IL17RE: variants seen among roughly 807,000 people sequenced by gnomAD.
IL17RE encodes interleukin-17 receptor E.
IL17RE carries 47 observed loss-of-function variants against 70.7 expected under a neutral mutation model. The ratio of observed to expected loss-of-function variants is 0.67; its 90% CI spans 0.53 to 0.85. The LOEUF (loss-of-function observed/expected upper bound fraction) is 0.85. IL17RE is among the 40% of genes least tolerant of loss of function. The probability of loss-of-function intolerance (pLI) is 0.00; values close to 1 mark genes in which losing one functional copy is unlikely to be tolerated. For synonymous variants in IL17RE, 372 were observed against 381.2 expected (o/e 0.98, Z 0.28); for missense variants, 850 against 893.9 (o/e 0.95, Z 0.63).
chr3:9,915,355 G>T lies in IL17RE; in HGVS notation c.1552G>T (p.Gly518Cys), dbSNP rs1453328953. The T allele has an allele frequency of 7.3e-7, 1 of 1,368,996 alleles. No homozygotes were observed. The highest frequency in any genetic ancestry group is 1.5e-5 in the African/African-American group (1 of 65,580). 84.8% of individuals were successfully genotyped at this position (1,368,996 alleles called of 1,614,324 possible). ...LAELLRAALGGGRDVIVDLWE... is the reference protein window; with the variant it reads ...LAELLRAALGCGRDVIVDLWE... ...TGAACTGCTACGGGCAGCGCTGGGCGGCGGGCGCGACGTGATCGTGGACCT... is the reference window on the plus strand; with the variant it reads ...TGAACTGCTACGGGCAGCGCTGGGCTGCGGGCGCGACGTGATCGTGGACCT... Residue 518 changes from glycine (G) to cysteine (C), a missense_variant, in exon 16 of 16, where the codon GGC becomes TGC. Transcript: ENST00000383814. The surrounding 1 kb of genome is among the most constrained non-coding windows in gnomAD (Gnocchi z 4.9).
Position 9,911,005 on chromosome 3 carries a change from G to A in IL17RE, c.943G>A (p.Asp315Asn). The A allele has an allele frequency of 1.9e-6, 3 of 1,614,178 alleles. No homozygotes were observed. The highest frequency in any genetic ancestry group is 2.5e-6 in the Non-Finnish European group (3 of 1,180,040). ...GCACGACTGGCATACCCTTTGCAAA[G>A]ACCTCCCGAATGCCACAGCTCGAGA... ...QRHDWHTLCKDLPNATARESD... is the reference protein window; with the variant it reads ...QRHDWHTLCKNLPNATARESD... The change falls in exon 9 of 16, where the codon GAC (aspartate) becomes AAC (asparagine). Residue 315 changes from aspartate (D) to asparagine (N), a missense_variant. Coordinates refer to ENST00000383814, the MANE Select transcript of IL17RE (RefSeq NM_153480.2).
Position 9,909,207 on chromosome 3 carries a change from G to T in IL17RE, c.736-10G>T. On this transcript the variant is annotated splice_polypyrimidine_tract_variant and intron_variant, in intron 7 of 15. Transcript: ENST00000383814. ...CCTCTGACCCTCCCCACCTGCTCCC[G>T]TCTCTCCAGGCATCCTACCTGCAAG... 1 of 1,612,756 alleles carries T rather than the reference G, an allele frequency of 6.2e-7. No homozygotes were observed. The highest frequency in any genetic ancestry group is 1.1e-5 in the South Asian group (1 of 90,904).
intron 8 of IL17RE, 26 bp from the exon 9 acceptor site, chr3:9,910,839 A>G (rs1225801827): frequency 6.2e-6 from 10 of 1,606,688 alleles, no homozygotes; most frequent in Middle Eastern, 1.8e-4. Context: ...GCTGACCCTC[A>G]CCCACTGACC....
chr3:9,914,054 A>G (rs760134856), intron 13 of IL17RE, 30 bp downstream of exon 13: 1 of 1,568,014 alleles, frequency 6.4e-7, no homozygotes, highest in Non-Finnish European at 8.8e-7. Flanking sequence ...CTCTACATAC[A>G]GAGCCTTGGC....
rs568739127 is a variant in IL17RE at position 9,913,143 on chromosome 3, G to A, written c.1228-813G>A. On this transcript the variant is annotated intron_variant, in intron 12 of 15. Transcript: ENST00000383814. The stretch of plus-strand genomic sequence containing the variant: ...AAGTAGGCCAGGCGCAGTGGCTCAC[G>A]CCTGTAATTCCAGCATTTTGGGAGG... 4.0e-4 allele frequency among the ~76,000 whole-genome samples: 61 copies of A among 152,254 alleles called. 1 individual carries two copies. Among genetic ancestry groups the A allele is most frequent in the African/African-American group, 1.4e-3 (58 of 41,540 alleles).
At chr3:9,910,816 G>A in intron 8 of IL17RE, 49 bp from the exon 9 acceptor site, 2 of 1,562,300 alleles carry the variant, frequency 1.3e-6, no homozygotes, top group South Asian at 1.2e-5. Context: ...TGGCAAGGTG[G>A]GGCTGAAGCA....
In IL17RE at chr3:9,907,159, A is replaced by G. The variant is rs1257180084; in HGVS notation, c.666+59A>G. The G allele has an allele frequency of 1.9e-6, 3 of 1,601,742 alleles. No homozygotes were observed. The East Asian group carries it at 6.7e-5, about 36-fold the overall frequency. ...TCACACAGTGCTAGCAAAAGAGGCCACCCATTGTACAAATGAGGAAACTGA... is the reference window on the plus strand; with the variant it reads ...TCACACAGTGCTAGCAAAAGAGGCCGCCCATTGTACAAATGAGGAAACTGA... On this transcript the variant is annotated intron_variant, in intron 6 of 15. Coordinates refer to ENST00000383814, the MANE Select transcript of IL17RE (RefSeq NM_153480.2).
In IL17RE at chr3:9,911,275, C is replaced by G; in HGVS notation, c.1047C>G (p.Ser349Arg). ...LCFKFSFGNS[S>R]HVECPHQTGS... Reference sequence around the variant, plus strand: ...CTCAGTTCTCTTTTGGAAACAGCAGCCATGTTGAATGCCCCCACCAGACTG... The same window carrying G: ...CTCAGTTCTCTTTTGGAAACAGCAGGCATGTTGAATGCCCCCACCAGACTG... Residue 349 changes from serine to arginine, a missense_variant, in exon 11 of 16, where the codon AGC becomes AGG. Physicochemically the swap from Ser to Arg is moderately radical, Grantham distance 110. Transcript: ENST00000383814. The G allele has an allele frequency of 6.2e-7, 1 of 1,614,148 alleles. No individual in the cohort carries two copies. The highest frequency in any genetic ancestry group is 8.5e-7 in the Non-Finnish European group (1 of 1,180,038).
chr3:9,905,094 C>CAAAAAAAAAAAAAAAAAAAAAA (rs71626946), intron 3 of IL17RE, among the ~76,000 whole-genome samples: 4 of 56,162 alleles, frequency 7.1e-5, no homozygotes, highest in African/African-American at 2.8e-4. Context: ...GACCCTGTCT[C>CAAAAAAAAAAAAAAAAAAAAAA]AAAAAAAAAA....
Position 9,903,409 on chromosome 3 carries a change from A to G in IL17RE, c.145A>G (p.Thr49Ala). ...CCCTGTGCCTCAGGATGACAGTTTC[A>G]CTGGTGAGTCGCATTTCCTGCCCCA... ...PLASHTDDSF[T>A]GSSAYIPCRT... Residue 49 changes from threonine (T) to alanine (A), a missense_variant, in exon 2 of 16, where the codon ACT (threonine) becomes GCT (alanine). Transcript: ENST00000383814. 1.2e-6 allele frequency: 2 copies of G among 1,613,970 alleles called. No individual in the cohort carries two copies. The highest frequency in any genetic ancestry group is 2.2e-5 in the East Asian group (1 of 44,866).
rs932896068 is a variant in IL17RE at position 9,911,428 on chromosome 3, C to A, written c.1073-15C>A. The A allele has an allele frequency of 1.9e-6, 3 of 1,613,664 alleles. No individual in the cohort carries two copies. The highest frequency in any genetic ancestry group is 1.7e-6 in the Non-Finnish European group (2 of 1,179,660). ...AGCCCAACTCCTATCAACACCCCCA[C>A]CCCGCCCCAAACAGGGTCTCTCACA... On this transcript the variant is annotated splice_polypyrimidine_tract_variant and intron_variant, in intron 11 of 15. Transcript: ENST00000383814.
chr3:9,906,310 A>T, intron 3 of IL17RE, 54 bp from the exon 4 acceptor site: 1 of 972,602 alleles, frequency 1.0e-6, no homozygotes, highest in African/African-American at 1.6e-5. Flanking sequence ...CCACATCTCC[A>T]GGCAGGGGAG....
At chr3:9,903,128 G>A in intron 1 of IL17RE, 64 bp downstream of exon 1, 1 of 1,433,802 alleles carries the variant, frequency 7.0e-7, no homozygotes, top group South Asian at 1.2e-5. Flanking sequence ...CCACTCCCCT[G>A]CCTGCCCTGT....
At position 9,915,550 on chromosome 3, in the gene IL17RE, G is replaced by A. The variant is rs2083026297; in HGVS notation, c.1747G>A (p.Ala583Thr). 1 of 1,399,972 alleles carries A rather than the reference G, an allele frequency of 7.1e-7. No homozygotes were observed. 86.7% of individuals were successfully genotyped at this position (1,399,972 alleles called of 1,614,324 possible). A position where few individuals can be genotyped will look rare whatever the true frequency, so the allele number is the denominator to read the frequency against. Residue 583 changes from alanine (A) to threonine (T), a missense_variant, in exon 16 of 16, where the codon GCT (alanine) becomes ACT (threonine). Transcript: ENST00000383814. The surrounding 1 kb of genome is among the most constrained non-coding windows in gnomAD (Gnocchi z 4.9). ...CGCGCCCCTGCTCGCCCTGCTCCAC[G>A]CTGCCCCGCGCCCGCTGCTGCTGCT... ...RAAPLLALLHAAPRPLLLLAY... is the reference protein window; with the variant it reads ...RAAPLLALLHTAPRPLLLLAY...
intron 1 of IL17RE, 144 bp downstream of exon 1, chr3:9,903,208 C>T: frequency 1.0e-6 from 1 of 963,792 alleles, no homozygotes; most frequent in Non-Finnish European, 1.6e-6. Context: ...AAAGGGGTAG[C>T]CAAGGTCCTT....
Position 9,914,032 on chromosome 3 carries a change from A to T in IL17RE, c.1296+8A>T. 1 of 1,605,758 alleles carries T rather than the reference A, an allele frequency of 6.2e-7. No individual in the cohort carries two copies. The highest frequency in any genetic ancestry group is 8.5e-7 in the Non-Finnish European group (1 of 1,172,394). On this transcript the variant is annotated splice_region_variant and intron_variant, in intron 13 of 15. Transcript: ENST00000383814. ...CCAGGGTGCTGTGTCCTGGTAAGGA[A>T]ACCTACCCTCACTCTACATACAGAG...
chr3:9,914,367 C>T (rs899717493), intron 13 of IL17RE, 181 bp from the exon 14 acceptor site: 7 of 1,466,492 alleles, frequency 4.8e-6, no homozygotes, highest in East Asian at 4.7e-5. Context: ...CCCTGTCACA[C>T]TTGAGTTTGC....
rs199990414 is a variant in IL17RE, at chr3:9,903,018, G to C, written c.86G>C (p.Arg29Pro). The C allele has an allele frequency of 1.9e-6, 3 of 1,614,148 alleles. No homozygotes were observed. The South Asian group carries it at 3.3e-5, about 18-fold the overall frequency. ...DLSDSAGIGF[R>P]HLPHWNTRCP... ...TCTGACTCTGCTGGGATTGGCTTTCGCCACCTGCCCCACTGGAACACCCGC... is the reference window on the plus strand; with the variant it reads ...TCTGACTCTGCTGGGATTGGCTTTCCCCACCTGCCCCACTGGAACACCCGC... Residue 29 changes from arginine (R) to proline (P), a missense_variant, in exon 1 of 16, where the codon CGC becomes CCC. Transcript: ENST00000383814.
chr3:9,915,239 TCC>T lies in IL17RE; in HGVS notation c.1448-10_1448-9del. The T allele has an allele frequency of 7.3e-7, 1 of 1,377,802 alleles. No individual in the cohort carries two copies. Among genetic ancestry groups the T allele is most frequent in the South Asian group, 1.7e-5 (1 of 57,538 alleles). The allele number at this position is 1,377,802 out of a possible 1,614,324, so 85.3% of individuals were successfully genotyped here. A position where few individuals can be genotyped will look rare whatever the true frequency, so the allele number is the denominator to read the frequency against. The stretch of plus-strand genomic sequence containing the variant: ...AGCCGCCCAGCCTTCATCTGTTGCT[TCC>T]CGCCACCAGGCCCGGGCCCAGCGCG... On this transcript the variant is annotated splice_polypyrimidine_tract_variant and intron_variant, in intron 15 of 15. Coordinates refer to ENST00000383814, the MANE Select transcript of IL17RE (RefSeq NM_153480.2). The surrounding 1 kb of genome is among the most constrained non-coding windows in gnomAD (Gnocchi z 4.9).
Sources: allele counts gnomAD v4.1 joint callset (sites outside exome capture counted in the v4.1 genomes callset), GRCh38; gene constraint gnomAD v4.1.1; non-coding constraint Gnocchi (gnomAD v3.1); transcripts MANE v1.5; gene names NCBI Gene and HGNC (gene_info 2026-07-23, HGNC 2026-07-21).